ANKRD36C: variants seen among roughly 807,000 people sequenced by gnomAD.
ANKRD36C encodes ankyrin repeat domain-containing protein 36C.
Under a neutral mutation model 276.4 loss-of-function variants are expected in ANKRD36C, and 61 were observed. That is an observed-to-expected ratio of 0.22 (90% CI 0.18 to 0.27). ANKRD36C has a LOEUF of 0.27. Ranked by LOEUF, ANKRD36C falls within the 10% of genes least tolerant of loss-of-function variation. ANKRD36C has a pLI of 1.00. For synonymous variants in ANKRD36C, 483 were observed against 680.1 expected, an observed-to-expected ratio of 0.71 and a Z score of 4.51; for missense variants, 1,447 against 2,032.3, an observed-to-expected ratio of 0.71 and a Z score of 5.54.
At chr2:95,973,441 C>A (rs1261551811) in intron 6 of ANKRD36C, among the ~76,000 whole-genome samples, 3 of 152,022 alleles carry the variant, frequency 2.0e-5, no homozygotes, top group African/African-American at 7.2e-5. Flanking sequence ...TAAAAACATA[C>A]ATAAAATAAT....
intron 44 of ANKRD36C, among the ~76,000 whole-genome samples, chr2:95,892,726 T>C (rs2104355178): frequency 6.6e-6 from 1 of 151,412 alleles, no homozygotes; most frequent in South Asian, 2.1e-4. Flanking sequence ...GTTGGGAGTA[T>C]CACGTTGTTC....
rs1415715400 is a variant in ANKRD36C at position 95,873,753 on chromosome 2, T to C, written c.3540+2686A>G. Among the ~76,000 whole-genome samples, 23 of 152,374 alleles carry C rather than the reference T, an allele frequency of 1.5e-4. No individual in the cohort carries two copies. The South Asian group carries it at 3.3e-3, about 22-fold the overall frequency. ...AAGTCAAATTGTCCCTGTTTGCAGA[T>C]GACATGATTGTATAACTAGAAAACC... On this transcript the variant is annotated intron_variant, in intron 59 of 66. Transcript: ENST00000456556.
intron 60 of ANKRD36C, among the ~76,000 whole-genome samples, chr2:95,863,237 G>A (rs1675622298): frequency 1.3e-5 from 2 of 151,880 alleles, no homozygotes; most frequent in African/African-American, 4.8e-5. Context: ...GGACAACTTA[G>A]ATAAAATTAA....
chr2:95,971,091 GA>G (rs1214994158), intron 6 of ANKRD36C, among the ~76,000 whole-genome samples: 2 of 151,992 alleles, frequency 1.3e-5, no homozygotes, highest in African/African-American at 4.8e-5. Flanking sequence ...CTGTAATATA[GA>G]AAAAGATATC....
rs576200052 is a variant in ANKRD36C at position 95,970,894 on chromosome 2, T to C, written c.799+7228A>G. ...TCACAGAGAAGGATGAACCAGTTAG[T>C]GCTGTGTAGTACACAGCATGAAGTC... is the stretch of plus-strand genomic sequence containing the variant. On this transcript the variant is annotated intron_variant, in intron 6 of 66. Coordinates refer to ENST00000456556, the Ensembl canonical transcript of ANKRD36C. 1.2e-4 allele frequency among the ~76,000 whole-genome samples: 18 copies of C among 152,300 alleles called. 1 individual carries two copies. In the South Asian group the frequency reaches 3.5e-3, roughly 30 times the overall value.
intron 60 of ANKRD36C, among the ~76,000 whole-genome samples, chr2:95,860,432 A>G (rs201688040): frequency 5.3e-5 from 8 of 152,174 alleles, no homozygotes; most frequent in Middle Eastern, 3.2e-3. Context: ...TGAAGGATGA[A>G]AAAGAAGCAG....
intron 50 of ANKRD36C, 151 bp downstream of exon 70, chr2:95,887,774 C>T (rs1162784680): frequency 1.3e-5 from 13 of 972,858 alleles, no homozygotes; most frequent in South Asian, 6.5e-5. Context: ...GCAGCATCAG[C>T]GTCACCCAAG....
At chr2:95,894,488 T>A (rs1316650065) in intron 44 of ANKRD36C, among the ~76,000 whole-genome samples, 4 of 151,350 alleles carry the variant, frequency 2.6e-5, no homozygotes, top group African/African-American at 7.3e-5. Flanking sequence ...TTGATAAGAT[T>A]TACATTCAGA....
chr2:95,891,522 C>T, intron 46 of ANKRD36C, 143 bp downstream of exon 66: 1 of 1,192,740 alleles, frequency 8.4e-7, no homozygotes, highest in Admixed American at 2.6e-5. Context: ...CATCATCACC[C>T]AAGAACTTAT....
intron 24 of ANKRD36C, among the ~76,000 whole-genome samples, chr2:95,929,850 A>G (rs548010119): frequency 2.4e-3 from 362 of 151,558 alleles, no homozygotes; most frequent in African/African-American, 8.2e-3. Context: ...TTTCACACCC[A>G]TATGGTGTAA....
intron 17 of ANKRD36C, among the ~76,000 whole-genome samples, chr2:95,947,915 A>G (rs2918888): frequency 6.6e-6 from 1 of 152,124 alleles, no homozygotes; most frequent in South Asian, 2.1e-4. Context: ...GAACTCTTGA[A>G]TAGGTGGGAC....
exon 52 of ANKRD36C, chr2:95,886,080 G>A: frequency 1.2e-6 from 2 of 1,611,208 alleles, no homozygotes; most frequent in South Asian, 1.1e-5. Context: ...CTTTATCTCT[G>A]TGGCTATATT....
chr2:95,850,982 AG>A (rs1477984861), downstream of ANKRD36C, among the ~76,000 whole-genome samples: 1 of 152,258 alleles, frequency 6.6e-6, no homozygotes, highest in Non-Finnish European at 1.5e-5. Context: ...GAATTAACAA[AG>A]CATAAGTATT....
At chr2:95,884,935 T>C (rs1002578193) in intron 52 of ANKRD36C, among the ~76,000 whole-genome samples, 36 of 152,140 alleles carry the variant, frequency 2.4e-4, no homozygotes, top group African/African-American at 8.7e-4. Flanking sequence ...AGATAATATT[T>C]ATTATTCCTC....
intron 59 of ANKRD36C, among the ~76,000 whole-genome samples, chr2:95,872,348 C>G (rs1675833434): frequency 6.6e-6 from 1 of 151,368 alleles, no homozygotes; most frequent in African/African-American, 2.4e-5. Flanking sequence ...AACTAGAACT[C>G]AGGATTAAGA....
intron 44 of ANKRD36C, 106 bp from the exon 63 acceptor site, chr2:95,893,830 C>T (rs760869864): frequency 1.1e-5 from 17 of 1,568,998 alleles, no homozygotes; most frequent in Admixed American, 3.6e-5. Context: ...CCTGTATTAG[C>T]GTAGGCTTTA....
intron 42 of ANKRD36C, among the ~76,000 whole-genome samples, chr2:95,902,401 C>A (rs1303878499): frequency 7.3e-5 from 11 of 150,162 alleles, no homozygotes; most frequent in Non-Finnish European, 1.2e-4. Context: ...AAATGACTTC[C>A]TCTTTTCACA....
At chr2:95,936,377 T>C (rs901143898) in intron 22 of ANKRD36C, among the ~76,000 whole-genome samples, 1 of 138,452 alleles carries the variant, frequency 7.2e-6, no homozygotes, top group Non-Finnish European at 1.6e-5. Flanking sequence ...AAATAAATAA[T>C]ACTCAAGAAA....
intron 1 of ANKRD36C, among the ~76,000 whole-genome samples, chr2:95,987,928 T>C (rs1451790100): frequency 6.6e-6 from 1 of 152,096 alleles, no homozygotes; most frequent in Admixed American, 6.5e-5. Context: ...TAAGCTACTA[T>C]TCTCTTATAT....
Sources: allele counts gnomAD v4.1 joint callset (sites outside exome capture counted in the v4.1 genomes callset), GRCh38; gene constraint gnomAD v4.1.1; transcripts MANE v1.5; gene names NCBI Gene and HGNC (gene_info 2026-07-23, HGNC 2026-07-21).